Variants in CDH13 observed in about 807,000 individuals in gnomAD.
CDH13 encodes cadherin 13.
CDH13 carries 24 observed loss-of-function variants against 63.8 expected under a neutral mutation model. The ratio of observed to expected loss-of-function variants is 0.38; its 90% CI spans 0.27 to 0.53. CDH13 has a LOEUF of 0.53. Ranked by LOEUF, CDH13 falls within the 20% of genes least tolerant of loss-of-function variation. CDH13 has a pLI of 0.85. For missense variants in CDH13, 1,049 were observed against 903.1 expected, an observed-to-expected ratio of 1.16 and a Z score of -2.07; for synonymous variants, 503 against 355.3, an observed-to-expected ratio of 1.42 and a Z score of -4.67.
intron 1 of CDH13, among the ~76,000 whole-genome samples, chr16:82,657,588 G>A (rs907190590): frequency 2.6e-5 from 4 of 152,190 alleles, no homozygotes; most frequent in African/African-American, 7.2e-5. Flanking sequence ...GAGTAAAACT[G>A]TAGAAAGCAA....
chr16:82,675,945 T>C (rs573263098), intron 1 of CDH13, among the ~76,000 whole-genome samples: 12 of 152,218 alleles, frequency 7.9e-5, no homozygotes, highest in Non-Finnish European at 1.3e-4. Flanking sequence ...CTGCCTCTTT[T>C]CTGCCTCCCT....
chr16:83,083,861 T>A (rs898971605), intron 3 of CDH13, among the ~76,000 whole-genome samples: 1 of 152,192 alleles, frequency 6.6e-6, no homozygotes, highest in African/African-American at 2.4e-5. Context: ...CATTTGCCTA[T>A]CCCAAGTTAT....
intron 1 of CDH13, among the ~76,000 whole-genome samples, chr16:82,655,116 T>G (rs1039744004): frequency 2.6e-5 from 4 of 152,230 alleles, no homozygotes; most frequent in African/African-American, 7.2e-5. Flanking sequence ...CATCTGTTCA[T>G]ACATTCATTC....
intron 8 of CDH13, among the ~76,000 whole-genome samples, chr16:83,632,358 A>G (rs1191492815): frequency 6.6e-6 from 1 of 151,742 alleles, no homozygotes; most frequent in East Asian, 1.9e-4. Context: ...AGTTCCTTAG[A>G]TGCTTTGGGC....
intron 2 of CDH13, among the ~76,000 whole-genome samples, chr16:83,001,247 C>T (rs908432164): frequency 1.3e-5 from 2 of 152,354 alleles, no homozygotes; most frequent in South Asian, 2.1e-4. Context: ...CTTCGCAATT[C>T]CATCTTCTTA....
In CDH13 at chr16:83,166,859, C is replaced by T. The variant is rs561124976; in HGVS notation, c.483+41358C>T. On this transcript the variant is annotated intron_variant, in intron 4 of 13. Coordinates refer to ENST00000567109, the MANE Select transcript of CDH13 (RefSeq NM_001257.5). ...AGGACAAGTGTATTACCGCCATTCA[C>T]GGAGACATTTTTGCAGTGTTGCAAA... 1.1e-4 allele frequency among the ~76,000 whole-genome samples: 16 copies of T among 152,256 alleles called. No homozygotes were observed. The South Asian group carries it at 2.9e-3, about 28-fold the overall frequency.
intron 10 of CDH13, among the ~76,000 whole-genome samples, chr16:83,719,153 G>A (rs73252705): frequency 0.12 from 18,729 of 152,128 alleles, 1,410 homozygotes; most frequent in African/African-American, 0.21. Flanking sequence ...AATTATTGCA[G>A]AGAGTCCAGT....
chr16:83,618,595 G>C (rs1909513147), intron 8 of CDH13, among the ~76,000 whole-genome samples: 1 of 152,118 alleles, frequency 6.6e-6, no homozygotes, highest in African/African-American at 2.4e-5. Context: ...AACATAGCAA[G>C]TCACAGGATC....
At chr16:82,654,439 T>A (rs1199080238) in intron 1 of CDH13, among the ~76,000 whole-genome samples, 1 of 152,234 alleles carries the variant, frequency 6.6e-6, no homozygotes, top group Non-Finnish European at 1.5e-5. Flanking sequence ...GTTCTCAGAA[T>A]GCAATTCTGA....
At chr16:82,989,140 G>C (rs538825915) in intron 2 of CDH13, among the ~76,000 whole-genome samples, 4 of 152,204 alleles carry the variant, frequency 2.6e-5, no homozygotes, top group African/African-American at 9.7e-5. Flanking sequence ...GAGACGGAGA[G>C]AGAGAATGAA....
At chr16:83,027,102 AC>A (rs79185242) in intron 2 of CDH13, among the ~76,000 whole-genome samples, 4,450 of 100,624 alleles carry the variant, frequency 0.044, 115 homozygotes, top group African/African-American at 0.12. Context: ...CAGAAGGGAG[AC>A]CCCCCCCCCC....
intron 2 of CDH13, among the ~76,000 whole-genome samples, chr16:83,014,756 A>ATATATATATATATGTG (rs1567745552): frequency 2.8e-4 from 13 of 46,190 alleles, no homozygotes; most frequent in African/African-American, 9.5e-4. Flanking sequence ...ATATATATAT[A>ATATATATATATATGTG]TATATATATA....
At chr16:83,616,755 A>G (rs116238452) in intron 8 of CDH13, among the ~76,000 whole-genome samples, 1 of 152,172 alleles carries the variant, frequency 6.6e-6, no homozygotes, top group Non-Finnish European at 1.5e-5. Context: ...TCCACACTGC[A>G]CCTGGAAGCC....
In CDH13 at chr16:83,702,831, G is replaced by A. The variant is rs182752328; in HGVS notation, c.1538+24370G>A. Among the ~76,000 whole-genome samples, 38 of 152,296 alleles carry A rather than the reference G, an allele frequency of 2.5e-4. No individual in the cohort carries two copies. The East Asian group carries it at 5.6e-3, about 22-fold the overall frequency. ...CAGAGGGTCTGGGAGAAAACTGGCC[G>A]CTTCAGGGAACCACAAGCCACAGCA... On this transcript the variant is annotated intron_variant, in intron 10 of 13. Transcript: ENST00000567109.
At chr16:83,692,988 C>G (rs1329476981) in intron 10 of CDH13, among the ~76,000 whole-genome samples, 1 of 152,172 alleles carries the variant, frequency 6.6e-6, no homozygotes, top group Non-Finnish European at 1.5e-5. Context: ...GAGGCTGAGG[C>G]AAGAGAATCA....
intron 1 of CDH13, among the ~76,000 whole-genome samples, chr16:82,630,316 G>T (rs1185442460): frequency 1.3e-5 from 2 of 152,272 alleles, no homozygotes; most frequent in South Asian, 2.1e-4. Flanking sequence ...CAGTGATAGA[G>T]TTCACCTGTC....
At chr16:83,631,514 G>C (rs188006953) in intron 8 of CDH13, among the ~76,000 whole-genome samples, 1 of 152,024 alleles carries the variant, frequency 6.6e-6, no homozygotes, top group Non-Finnish European at 1.5e-5. Flanking sequence ...TCCTGATCTC[G>C]GGAAGATCCA....
intron 5 of CDH13, among the ~76,000 whole-genome samples, chr16:83,341,995 A>C (rs1333017464): frequency 3.0e-5 from 4 of 132,552 alleles, no homozygotes; most frequent in East Asian, 3.1e-4. Flanking sequence ...CCTGCCACAC[A>C]CACACACACA....
intron 1 of CDH13, among the ~76,000 whole-genome samples, chr16:82,849,890 T>A (rs1355141974): frequency 6.6e-6 from 1 of 152,240 alleles, no homozygotes; most frequent in Non-Finnish European, 1.5e-5. Context: ...ATTTATTCAA[T>A]ATTTTAAGCC....
Sources: gnomAD v4.1 joint callset for allele counts (sites outside exome capture counted in the v4.1 genomes callset) on GRCh38, gnomAD v4.1.1 for gene constraint, MANE v1.5 for transcripts, NCBI Gene and HGNC (gene_info 2026-07-23, HGNC 2026-07-21) for gene names.